Variants in SGO2 observed in about 807,000 individuals in gnomAD.
The protein encoded by SGO2 is shugoshin 2.
SGO2 carries 68 observed loss-of-function variants against 99.5 expected under a neutral mutation model. That is an observed-to-expected ratio of 0.68 (90% CI 0.56 to 0.84). The LOEUF (loss-of-function observed/expected upper bound fraction) is 0.84. Among genes scored for constraint, SGO2 ranks in the 40% least tolerant of loss-of-function variants. The probability of loss-of-function intolerance (pLI) is 0.00; values close to 1 mark genes in which losing one functional copy is unlikely to be tolerated. For synonymous variants in SGO2, 457 were observed against 487.1 expected (o/e 0.94, Z 0.81); for missense variants, 1,350 against 1,436.7 (o/e 0.94, Z 0.97).
intron 8 of SGO2, 138 bp from the exon 9 acceptor site, chr2:200,583,311 T>G: frequency 1.8e-6 from 1 of 552,594 alleles, no homozygotes; most frequent in Admixed American, 3.4e-5. Flanking sequence ...ATTAGAGTAT[T>G]TCAAGTATTT....
intron 5 of SGO2, among the ~76,000 whole-genome samples, chr2:200,546,358 A>G (rs1368039464): frequency 6.7e-6 from 1 of 148,406 alleles, no homozygotes; most frequent in Admixed American, 6.7e-5. Context: ...ATCTGGAAAA[A>G]AAAAAAAAAA....
At chr2:200,539,103 G>T (rs1315458180) in intron 4 of SGO2, among the ~76,000 whole-genome samples, 2 of 152,066 alleles carry the variant, frequency 1.3e-5, no homozygotes, top group Non-Finnish European at 2.9e-5. Context: ...TAAAGGTTTT[G>T]TAGAATTATT....
chr2:200,573,516 C>T lies in SGO2; in HGVS notation c.3170C>T (p.Pro1057Leu). The change falls in exon 7 of 9, where the codon CCT (proline) becomes CTT (leucine). Residue 1057 changes from proline (P) to leucine (L), a missense_variant. Transcript: ENST00000357799. ...STTTLNKKDL[P>L]FVEEIKEGEC... ...ACCACTTTGAATAAAAAAGATCTCC[C>T]TTTTGTGGAAGAAATAAAAGAAGGA... 8 of 1,612,112 alleles carry T rather than the reference C, an allele frequency of 5.0e-6. No individual in the cohort carries two copies. The highest frequency in any genetic ancestry group is 6.8e-6 in the Non-Finnish European group (8 of 1,179,214).
chr2:200,576,706 C>T (rs11677893), intron 8 of SGO2, among the ~76,000 whole-genome samples: 45,986 of 152,070 alleles, frequency 0.3, 7,359 homozygotes, highest in Non-Finnish European at 0.36. Context: ...TATCACTTTC[C>T]TATCCTCCCA....
At chr2:200,560,906 A>G (rs1298531451) in intron 5 of SGO2, among the ~76,000 whole-genome samples, 1 of 152,212 alleles carries the variant, frequency 6.6e-6, no homozygotes, top group African/African-American at 2.4e-5. Flanking sequence ...TTAATTTTTA[A>G]AATAGATATG....
intron 4 of SGO2, 140 bp from the exon 5 acceptor site, chr2:200,542,439 A>G (rs980345828): frequency 7.2e-6 from 4 of 555,726 alleles, no homozygotes; most frequent in Non-Finnish European, 1.3e-5. Flanking sequence ...TTATTATCAC[A>G]TTATTCTCAT....
chr2:200,571,417 G>T lies in SGO2; in HGVS notation c.1071G>T (p.Gln357His). 6.2e-7 allele frequency: 1 copy of T among 1,609,686 alleles called. No homozygotes were observed. The highest frequency in any genetic ancestry group is 8.5e-7 in the Non-Finnish European group (1 of 1,176,896). ...QIEDNDDFQLQKTVYDADMDL... is the reference protein window; with the variant it reads ...QIEDNDDFQLHKTVYDADMDL... ...AGGATAATGATGACTTTCAATTGCA[G>T]AAAACTGTGTATGATGCTGACATGG... The change falls in exon 7 of 9, where the codon CAG (glutamine) becomes CAT (histidine). Residue 357 changes from glutamine (Q) to histidine (H), a missense_variant. Transcript: ENST00000357799.
At chr2:200,563,759 A>T (rs184069915) in intron 5 of SGO2, among the ~76,000 whole-genome samples, 3 of 152,174 alleles carry the variant, frequency 2.0e-5, no homozygotes, top group African/African-American at 2.4e-5. Context: ...CTATTCAGGG[A>T]TTCAACTTCT....
intron 2 of SGO2, among the ~76,000 whole-genome samples, chr2:200,534,532 T>C (rs2031593422): frequency 6.6e-6 from 1 of 152,166 alleles, no homozygotes; most frequent in Non-Finnish European, 1.5e-5. Context: ...TATTAAGTAA[T>C]TTGTTCAGTT....
chr2:200,569,773 C>T lies in SGO2; in HGVS notation c.584C>T (p.Thr195Ile), dbSNP rs918701859. 1 of 1,612,258 alleles carries T rather than the reference C, an allele frequency of 6.2e-7. No homozygotes were observed. Among genetic ancestry groups the T allele is most frequent in the Non-Finnish European group, 8.5e-7 (1 of 1,178,522 alleles). The change falls in exon 6 of 9, where the codon ACA becomes ATA. Residue 195 changes from threonine to isoleucine, a missense_variant. Transcript: ENST00000357799. ...GATATTCCCTCTTCAGGATCAACAACACAACCTTTATCAACTCAGGATAAT... is the reference window on the plus strand; with the variant it reads ...GATATTCCCTCTTCAGGATCAACAATACAACCTTTATCAACTCAGGATAAT... ...LPDIPSSGST[T>I]QPLSTQDNSE...
intron 5 of SGO2, among the ~76,000 whole-genome samples, chr2:200,544,924 C>T (rs898578794): frequency 2.6e-5 from 4 of 151,982 alleles, no homozygotes; most frequent in African/African-American, 7.3e-5. Context: ...TTTTAATTTT[C>T]CTGATAATTA....
chr2:200,578,476 G>A (rs1433012271), intron 8 of SGO2, among the ~76,000 whole-genome samples: 2 of 152,172 alleles, frequency 1.3e-5, no homozygotes, highest in African/African-American at 4.8e-5. Context: ...CGTCCAGGCT[G>A]GTTCTCATCT....
In SGO2 at chr2:200,571,448, A is replaced by C. The variant is rs1282016570; in HGVS notation, c.1102A>C (p.Thr368Pro). ...KTVYDADMDL[T>P]ASEVSKIVTV... The stretch of plus-strand genomic sequence containing the variant: ...TGTGTATGATGCTGACATGGATTTA[A>C]CTGCTAGTGAAGTCAGCAAAATTGT... Residue 368 changes from threonine to proline, a missense_variant, in exon 7 of 9, where the codon ACT (threonine) becomes CCT (proline). Thr to Pro is a conservative substitution (Grantham distance 38). Coordinates refer to ENST00000357799, the MANE Select transcript of SGO2 (RefSeq NM_152524.6). The C allele has an allele frequency of 2.5e-6, 4 of 1,610,628 alleles. No homozygotes were observed. In the Admixed American group the frequency reaches 6.7e-5, roughly 27 times the overall value.
intron 5 of SGO2, among the ~76,000 whole-genome samples, chr2:200,555,167 G>A (rs931256519): frequency 2.6e-5 from 4 of 152,100 alleles, no homozygotes; most frequent in African/African-American, 9.7e-5. Flanking sequence ...TTTTCCCAAA[G>A]ATTAGTTAAG....
intron 5 of SGO2, among the ~76,000 whole-genome samples, chr2:200,558,547 TG>T (rs1311415187): frequency 6.6e-6 from 1 of 152,110 alleles, no homozygotes; most frequent in Non-Finnish European, 1.5e-5. Flanking sequence ...AAATTGTAAT[TG>T]CTAATTTTAA....
At chr2:200,544,927 G>A (rs1227002496) in intron 5 of SGO2, among the ~76,000 whole-genome samples, 1 of 152,048 alleles carries the variant, frequency 6.6e-6, no homozygotes, top group Non-Finnish European at 1.5e-5. Flanking sequence ...TAATTTTCCT[G>A]ATAATTAAGA....
intron 1 of SGO2, among the ~76,000 whole-genome samples, chr2:200,530,041 G>A (rs2031297708): frequency 6.6e-6 from 1 of 152,198 alleles, no homozygotes; most frequent in Non-Finnish European, 1.5e-5. Flanking sequence ...TGGCCTGAGG[G>A]GAATGCGATA....
At chr2:200,548,016 G>A (rs923351366) in intron 5 of SGO2, among the ~76,000 whole-genome samples, 1 of 150,724 alleles carries the variant, frequency 6.6e-6, no homozygotes, top group Admixed American at 6.7e-5. Context: ...TAGATGTAAA[G>A]GGAGAGAGAG....
chr2:200,539,281 T>C (rs1050434156), intron 4 of SGO2, among the ~76,000 whole-genome samples: 1 of 152,150 alleles, frequency 6.6e-6, no homozygotes, highest in African/African-American at 2.4e-5. Flanking sequence ...TTCATCTAAG[T>C]TTTTAAATGG....
Sources: gnomAD v4.1 joint callset for allele counts (sites outside exome capture counted in the v4.1 genomes callset) on GRCh38, gnomAD v4.1.1 for gene constraint, MANE v1.5 for transcripts, NCBI Gene and HGNC (gene_info 2026-07-23, HGNC 2026-07-21) for gene names.